Variants in TRPM3 observed in about 807,000 individuals in gnomAD.
The protein encoded by TRPM3 is long transient receptor potential channel 3.
TRPM3 carries 77 observed loss-of-function variants against 181.2 expected under a neutral mutation model. The ratio of observed to expected loss-of-function variants is 0.42; its 90% confidence interval spans 0.35 to 0.51. TRPM3 has a LOEUF of 0.51. TRPM3 is among the 20% of genes least tolerant of loss of function. The pLI is 0.01. For synonymous variants in TRPM3, 745 were observed against 796.4 expected, an observed-to-expected ratio of 0.94 and a Z score of 1.09; for missense variants, 1,759 against 2,196.7, an observed-to-expected ratio of 0.80 and a Z score of 3.98.
At position 71,108,644 on chromosome 9, in the gene TRPM3, C is replaced by T. The variant is rs537026702; in HGVS notation, c.177+12534G>A. 4.3e-4 allele frequency among the ~76,000 whole-genome samples: 65 copies of T among 152,214 alleles called. No individual in the cohort carries two copies. The Middle Eastern group carries it at 0.014, about 32-fold the overall frequency. ...TGTTAGCAGAATACAGAATAATAGACGAAGCTAACTTACAAAGAAAAGTAT... is the reference window on the plus strand; with the variant it reads ...TGTTAGCAGAATACAGAATAATAGATGAAGCTAACTTACAAAGAAAAGTAT... On this transcript the variant is annotated intron_variant, in intron 1 of 25. Coordinates refer to ENST00000677713, the MANE Select transcript of TRPM3 (RefSeq NM_001366145.2).
At chr9:70,773,878 T>C (rs1013162696) in intron 7 of TRPM3, among the ~76,000 whole-genome samples, 2 of 152,196 alleles carry the variant, frequency 1.3e-5, no homozygotes, top group African/African-American at 2.4e-5. Context: ...GGTTTCATGA[T>C]TCGATGCACT....
intron 1 of TRPM3, among the ~76,000 whole-genome samples, chr9:71,284,849 A>G (rs917665190): frequency 2.0e-5 from 3 of 152,262 alleles, no homozygotes; most frequent in Non-Finnish European, 4.4e-5. Context: ...AAAATGCTAT[A>G]AAAGCTAGAA....
At chr9:70,771,027 A>C (rs1474535226) in intron 7 of TRPM3, among the ~76,000 whole-genome samples, 1 of 152,202 alleles carries the variant, frequency 6.6e-6, no homozygotes, top group Non-Finnish European at 1.5e-5. Context: ...CAGTGCGGAC[A>C]GCTCATTAGC....
At chr9:70,924,635 T>C (rs985173155) in intron 1 of TRPM3, among the ~76,000 whole-genome samples, 1 of 152,210 alleles carries the variant, frequency 6.6e-6, no homozygotes, top group African/African-American at 2.4e-5. Context: ...CTTTCACGAT[T>C]AACAGTCTCT....
At chr9:71,078,964 G>A (rs528316612) in intron 1 of TRPM3, among the ~76,000 whole-genome samples, 1 of 152,274 alleles carries the variant, frequency 6.6e-6, no homozygotes, top group South Asian at 2.1e-4. Context: ...GATCCTGGAT[G>A]CAACCTCAGA....
intron 1 of TRPM3, among the ~76,000 whole-genome samples, chr9:70,867,626 G>C (rs1487410095): frequency 6.6e-6 from 1 of 152,020 alleles, no homozygotes; most frequent in Non-Finnish European, 1.5e-5. Flanking sequence ...ACATTAAGAA[G>C]TCTTCCCATC....
chr9:71,161,878 G>A (rs932360774), intron 1 of TRPM3, among the ~76,000 whole-genome samples: 1 of 152,022 alleles, frequency 6.6e-6, no homozygotes, highest in Non-Finnish European at 1.5e-5. Flanking sequence ...TACTGCAGAT[G>A]CCAGATAATC....
chr9:70,967,451 T>G (rs112756700), intron 1 of TRPM3, among the ~76,000 whole-genome samples: 1 of 152,206 alleles, frequency 6.6e-6, no homozygotes, highest in African/African-American at 2.4e-5. Context: ...CAGTGAGAGA[T>G]AAAGTTAGAT....
intron 1 of TRPM3, among the ~76,000 whole-genome samples, chr9:71,254,766 G>A (rs1006682857): frequency 6.6e-6 from 1 of 152,034 alleles, no homozygotes; most frequent in African/African-American, 2.4e-5. Flanking sequence ...ACCTTTATGT[G>A]TACATGATAA....
chr9:70,882,890 G>A (rs2096018707), intron 1 of TRPM3, among the ~76,000 whole-genome samples: 1 of 152,120 alleles, frequency 6.6e-6, no homozygotes, highest in Non-Finnish European at 1.5e-5. Flanking sequence ...ATACCATAAA[G>A]AATAAAGGAT....
At chr9:71,354,244 G>T (rs1247401720) in intron 1 of TRPM3, among the ~76,000 whole-genome samples, 1 of 152,164 alleles carries the variant, frequency 6.6e-6, no homozygotes, top group South Asian at 2.1e-4. Context: ...AGGCCACAGA[G>T]AATGTCCAGC....
intron 1 of TRPM3, among the ~76,000 whole-genome samples, chr9:70,933,688 T>G (rs780900834): frequency 2.0e-5 from 3 of 151,718 alleles, no homozygotes; most frequent in Admixed American, 6.6e-5. Context: ...AAGGGGGATA[T>G]AAGACCTAAA....
intron 1 of TRPM3, among the ~76,000 whole-genome samples, chr9:70,966,067 CA>C (rs1369383239): frequency 6.6e-6 from 1 of 150,618 alleles, no homozygotes; most frequent in Non-Finnish European, 1.5e-5. Context: ...GAAACAACCC[CA>C]TTAAGAAGTG....
chr9:71,122,050 T>A (rs940619520), upstream of TRPM3, among the ~76,000 whole-genome samples: 1 of 152,228 alleles, frequency 6.6e-6, no homozygotes, highest in Admixed American at 6.5e-5. Context: ...ACTGGGTTGT[T>A]CCTTTCATAC....
intron 1 of TRPM3, among the ~76,000 whole-genome samples, chr9:71,103,523 T>C (rs1273597468): frequency 6.6e-6 from 1 of 152,170 alleles, no homozygotes; most frequent in Non-Finnish European, 1.5e-5. Flanking sequence ...TTAAAATTTA[T>C]TTAGAGGAGA....
intron 1 of TRPM3, among the ~76,000 whole-genome samples, chr9:71,382,311 G>T (rs1459605459): frequency 6.6e-6 from 1 of 152,062 alleles, no homozygotes; most frequent in South Asian, 2.1e-4. Context: ...GATTTACCAT[G>T]TGCCAAATGC....
chr9:70,918,840 A>C (rs955300041), intron 1 of TRPM3, among the ~76,000 whole-genome samples: 1 of 152,140 alleles, frequency 6.6e-6, no homozygotes, highest in African/African-American at 2.4e-5. Context: ...TTTTTTTAAA[A>C]AAATAAACAT....
chr9:70,669,988 T>A (rs1386748830), intron 9 of TRPM3, among the ~76,000 whole-genome samples: 3 of 152,164 alleles, frequency 2.0e-5, no homozygotes, highest in Non-Finnish European at 4.4e-5. Context: ...CTTCCTGCTT[T>A]GGCCTCCCAA....
chr9:71,215,672 A>G (rs1347815850), intron 1 of TRPM3, among the ~76,000 whole-genome samples: 1 of 152,244 alleles, frequency 6.6e-6, no homozygotes, highest in African/African-American at 2.4e-5. Context: ...ACTTAAGCAT[A>G]AAATAAAATT....
Sources: gnomAD v4.1 joint callset for allele counts (sites outside exome capture counted in the v4.1 genomes callset) on GRCh38, gnomAD v4.1.1 for gene constraint, MANE v1.5 for transcripts, NCBI Gene and HGNC (gene_info 2026-07-23, HGNC 2026-07-21) for gene names.